Variants in DSTYK observed in about 807,000 individuals in gnomAD.
The protein encoded by DSTYK is RIP-homologous kinase.
In DSTYK, 34 loss-of-function variants were observed where a neutral mutation model predicts 98.7. The observed-to-expected ratio is 0.34, with a 90% CI of 0.26 to 0.46. The LOEUF (loss-of-function observed/expected upper bound fraction) is 0.46, where lower values mean the gene tolerates loss of function less well. Among genes scored for constraint, DSTYK ranks in the 20% least tolerant of loss-of-function variants. The pLI is 1.00. For synonymous variants in DSTYK, 462 were observed against 457.3 expected (o/e 1.01, Z -0.13); for missense variants, 962 against 1,181.7 (o/e 0.81, Z 2.73).
chr1:205,173,772 G>A (rs966543481), intron 2 of DSTYK, among the ~76,000 whole-genome samples: 7 of 151,690 alleles, frequency 4.6e-5, no homozygotes, highest in African/African-American at 2.4e-5. Context: ...AGGCTGGAGC[G>A]CAGTGGCACG....
chr1:205,180,740 C>T (rs922268692), intron 2 of DSTYK, among the ~76,000 whole-genome samples: 13 of 152,226 alleles, frequency 8.5e-5, no homozygotes, highest in Non-Finnish European at 1.5e-4. Flanking sequence ...GCTGGCATTA[C>T]AGGCGTGAGC....
At chr1:205,149,923 G>C (rs913448926) in intron 11 of DSTYK, among the ~76,000 whole-genome samples, 1 of 151,966 alleles carries the variant, frequency 6.6e-6, no homozygotes, top group African/African-American at 2.4e-5. Context: ...TCTCCTTCAT[G>C]CTACAGGGTT....
At chr1:205,173,218 A>C (rs1415495564) in intron 2 of DSTYK, 1 of 151,852 alleles carries the variant, frequency 6.6e-6, no homozygotes, top group Non-Finnish European at 1.5e-5. Flanking sequence ...ATATGGGGAG[A>C]CCCCGTCTCT....
At chr1:205,163,642 G>T in intron 4 of DSTYK, 81 bp downstream of exon 4, 1 of 1,138,426 alleles carries the variant, frequency 8.8e-7, no homozygotes, top group Non-Finnish European at 1.3e-6. Flanking sequence ...GGAAATTCTT[G>T]CCTAATTTGA....
rs191089175 is a variant in DSTYK, at chr1:205,173,781, C to G, written c.655-3949G>C. On this transcript the variant is annotated intron_variant, in intron 2 of 12. Transcript: ENST00000367162. The stretch of plus-strand genomic sequence containing the variant: ...TCGCCCAGGCTGGAGCGCAGTGGCA[C>G]GATCTTGGCTCACTGCAACCTCTGC... Among the ~76,000 whole-genome samples, 59 of 151,908 alleles carry G rather than the reference C, an allele frequency of 3.9e-4. 1 individual carries two copies. In the East Asian group the frequency reaches 8.6e-3, roughly 22 times the overall value.
chr1:205,165,968 G>A (rs948684371), intron 3 of DSTYK, among the ~76,000 whole-genome samples: 1 of 151,828 alleles, frequency 6.6e-6, no homozygotes, highest in African/African-American at 2.4e-5. Flanking sequence ...GTTGTAGTGA[G>A]ACTAGACCAG....
At position 205,144,244 on chromosome 1, in the gene DSTYK, ATG is replaced by A. The variant is rs1404261615; in HGVS notation, c.*3312_*3313del. ...TAAAAATGGCCAGGTCATCATTTTC[ATG>A]TTGGGGTAAGCTGCCCTAATTATGT... On this transcript the variant is annotated 3_prime_UTR_variant, in exon 13 of 13. Transcript: ENST00000367162. The A allele has an allele frequency of 3.3e-5, 5 of 152,322 alleles. No homozygotes were observed. Among genetic ancestry groups the A allele is most frequent in the Non-Finnish European group, 7.4e-5 (5 of 68,020 alleles). 9.4% of individuals were successfully genotyped at this position (152,322 alleles called of 1,614,324 possible).
Position 205,172,609 on chromosome 1 carries a change from C to T in DSTYK, c.655-2777G>A, listed in dbSNP as rs181634253. Among the ~76,000 whole-genome samples the T allele has an allele frequency of 7.9e-5, 12 of 152,124 alleles. No homozygotes were observed. In the East Asian group the frequency reaches 1.9e-3, roughly 24 times the overall value. On this transcript the variant is annotated intron_variant, in intron 2 of 12. Coordinates refer to ENST00000367162, the MANE Select transcript of DSTYK (RefSeq NM_015375.3). ...AGATTACAGGTGTGAACCACTGTGCCCAGCCTTGAGTTTTTAAAATCTTTT... is the reference window on the plus strand; with the variant it reads ...AGATTACAGGTGTGAACCACTGTGCTCAGCCTTGAGTTTTTAAAATCTTTT...
intron 3 of DSTYK, among the ~76,000 whole-genome samples, chr1:205,168,449 A>G (rs1657952933): frequency 6.6e-6 from 1 of 152,116 alleles, no homozygotes; most frequent in African/African-American, 2.4e-5. Flanking sequence ...AGAAATCGTG[A>G]GTAAGTCTGC....
intron 5 of DSTYK, 55 bp from the exon 6 acceptor site, chr1:205,162,267 A>G (rs1657749867): frequency 4.4e-6 from 7 of 1,587,908 alleles, no homozygotes; most frequent in Non-Finnish European, 6.0e-6. Flanking sequence ...GAACCACTAC[A>G]AAGATCCAGT....
At chr1:205,204,113 G>A (rs1292772256) in intron 1 of DSTYK, among the ~76,000 whole-genome samples, 1 of 152,198 alleles carries the variant, frequency 6.6e-6, no homozygotes, top group Non-Finnish European at 1.5e-5. Context: ...ATGTCAGGGA[G>A]TGGAAACTAG....
At chr1:205,170,820 G>A (rs747812210) in intron 2 of DSTYK, among the ~76,000 whole-genome samples, 15 of 152,072 alleles carry the variant, frequency 9.9e-5, no homozygotes, top group Non-Finnish European at 2.1e-4. Flanking sequence ...CAGGAAATAT[G>A]TCCTTTGGCC....
chr1:205,202,183 C>A (rs559319266), intron 1 of DSTYK: 19 of 558,740 alleles, frequency 3.4e-5, no homozygotes, highest in Non-Finnish European at 5.4e-5. Context: ...CTGAGGTAAT[C>A]CGTGAAAATG....
rs35775611 is a variant in DSTYK, at chr1:205,181,656, TTGTGTG to T, written c.654+5756_654+5761del. On this transcript the variant is annotated intron_variant, in intron 2 of 12. Coordinates refer to ENST00000367162, the MANE Select transcript of DSTYK (RefSeq NM_015375.3). ...AGATGTGAGCCACAGATGTTGGGGT[TTGTGTG>T]TGTGTGTGTGTGTGTGTGTGTGTGT... is the stretch of plus-strand genomic sequence containing the variant. Among the ~76,000 whole-genome samples the T allele has an allele frequency of 8.0e-3, 1,144 of 142,614 alleles. 16 individuals carry two copies. Among genetic ancestry groups the T allele is most frequent in the African/African-American group, 0.027 (1,013 of 37,590 alleles). The allele number at this position is 142,614 out of a possible 152,430, so 93.6% of individuals were successfully genotyped here. A position where few individuals can be genotyped will look rare whatever the true frequency, so the allele number is the denominator to read the frequency against.
intron 10 of DSTYK, among the ~76,000 whole-genome samples, chr1:205,152,965 T>G (rs989588159): frequency 6.6e-6 from 1 of 152,146 alleles, no homozygotes; most frequent in African/African-American, 2.4e-5. Flanking sequence ...CCTGGAAGAA[T>G]GAGGAAGTAC....
Position 205,147,466 on chromosome 1 carries a change from G to T in DSTYK, c.*92C>A. On this transcript the variant is annotated 3_prime_UTR_variant, in exon 13 of 13. Transcript: ENST00000367162. ...CAAGCACCAGTTCCCTTGGGAGTGT[G>T]TCCTATAGTGAATAAATGTCAAATT... The T allele has an allele frequency of 7.1e-7, 1 of 1,417,798 alleles. No homozygotes were observed. The highest frequency in any genetic ancestry group is 9.7e-7 in the Non-Finnish European group (1 of 1,028,590). The allele number at this position is 1,417,798 out of a possible 1,614,324, so 87.8% of individuals were successfully genotyped here. A position where few individuals can be genotyped will look rare whatever the true frequency, so the allele number is the denominator to read the frequency against.
intron 2 of DSTYK, among the ~76,000 whole-genome samples, chr1:205,175,740 T>C (rs1347516432): frequency 6.6e-6 from 1 of 152,198 alleles, no homozygotes; most frequent in African/African-American, 2.4e-5. Flanking sequence ...GGCCTTAGTA[T>C]GGCCACCTGA....
intron 10 of DSTYK, among the ~76,000 whole-genome samples, chr1:205,154,718 A>G (rs1657506780): frequency 1.3e-5 from 2 of 152,194 alleles, no homozygotes; most frequent in Non-Finnish European, 2.9e-5. Context: ...AGGGCTCAGA[A>G]GAAGACAGGA....
chr1:205,157,887 C>T (rs552282156), intron 9 of DSTYK, among the ~76,000 whole-genome samples: 4 of 152,126 alleles, frequency 2.6e-5, no homozygotes, highest in South Asian at 2.1e-4. Context: ...GCAGTTAAGC[C>T]GAACAGATAA....
Sources: gnomAD v4.1 joint callset for allele counts (sites outside exome capture counted in the v4.1 genomes callset) on GRCh38, gnomAD v4.1.1 for gene constraint, MANE v1.5 for transcripts, NCBI Gene and HGNC (gene_info 2026-07-23, HGNC 2026-07-21) for gene names.